CAMKMT: variants seen among roughly 807,000 people sequenced by gnomAD.
CAMKMT encodes calmodulin-lysine N-methyltransferase, also known as CaM KMT.
A neutral mutation model predicts 48.0 loss-of-function variants in CAMKMT; 53 were observed. That is an observed-to-expected ratio of 1.10 (90% CI 0.89 to 1.39). The LOEUF is 1.39. CAMKMT is among the 40% of genes most tolerant of loss of function. CAMKMT has a pLI of 0.00. For synonymous variants in CAMKMT, 165 were observed against 152.3 expected, an observed-to-expected ratio of 1.08 and a Z score of -0.61; for missense variants, 428 against 402.7, an observed-to-expected ratio of 1.06 and a Z score of -0.54.
At chr2:44,484,877 G>GA (rs138615431) in intron 3 of CAMKMT, among the ~76,000 whole-genome samples, 4,983 of 151,556 alleles carry the variant, frequency 0.033, 273 homozygotes, top group African/African-American at 0.11. Context: ...AAATCAACAG[G>GA]AAAAAAAAGA....
At chr2:44,458,752 T>C (rs887963577) in intron 3 of CAMKMT, among the ~76,000 whole-genome samples, 1 of 152,174 alleles carries the variant, frequency 6.6e-6, no homozygotes, top group African/African-American at 2.4e-5. Context: ...GAGAAATCGA[T>C]AAAAGGCGAT....
chr2:44,564,232 G>A (rs1417152390), intron 3 of CAMKMT, among the ~76,000 whole-genome samples: 1 of 150,816 alleles, frequency 6.6e-6, no homozygotes, highest in Non-Finnish European at 1.5e-5. Flanking sequence ...CTGGAGTGCA[G>A]TGGCTCAATT....
intron 3 of CAMKMT, among the ~76,000 whole-genome samples, chr2:44,419,214 C>A (rs1683765970): frequency 6.6e-6 from 1 of 152,166 alleles, no homozygotes; most frequent in African/African-American, 2.4e-5. Context: ...TTAGGTTGTA[C>A]CACTTAGATG....
intron 3 of CAMKMT, among the ~76,000 whole-genome samples, chr2:44,424,086 A>G (rs1384465939): frequency 6.6e-6 from 1 of 152,168 alleles, no homozygotes; most frequent in African/African-American, 2.4e-5. Context: ...TTTTGTAATT[A>G]TATTTTCCAT....
At chr2:44,705,658 T>A in intron 4 of CAMKMT, 1 of 338,046 alleles carries the variant, frequency 3.0e-6, no homozygotes, top group South Asian at 1.2e-4. Flanking sequence ...CCATATTATG[T>A]CCCTGCATTG....
chr2:44,738,347 T>G (rs902561422), intron 7 of CAMKMT, among the ~76,000 whole-genome samples: 63 of 152,272 alleles, frequency 4.1e-4, no homozygotes, highest in African/African-American at 1.4e-3. Flanking sequence ...ATGTTTTGTG[T>G]AGGTTTTCTG....
intron 3 of CAMKMT, among the ~76,000 whole-genome samples, chr2:44,491,651 C>T (rs1402392512): frequency 6.6e-6 from 1 of 152,180 alleles, no homozygotes; most frequent in African/African-American, 2.4e-5. Context: ...GCCTGACTTT[C>T]GGCCCTGTCA....
At chr2:44,755,623 TA>T (rs1460951053) in intron 9 of CAMKMT, among the ~76,000 whole-genome samples, 5 of 152,222 alleles carry the variant, frequency 3.3e-5, no homozygotes, top group Admixed American at 1.3e-4. Context: ...GGATCTATTG[TA>T]AATCATTCGC....
chr2:44,664,126 A>G (rs1674830241), intron 3 of CAMKMT, among the ~76,000 whole-genome samples: 1 of 152,178 alleles, frequency 6.6e-6, no homozygotes, highest in South Asian at 2.1e-4. Context: ...TTTCATGATA[A>G]TCTGTTTATT....
intron 2 of CAMKMT, among the ~76,000 whole-genome samples, chr2:44,379,042 AC>A (rs1679979505): frequency 6.6e-6 from 1 of 152,150 alleles, no homozygotes; most frequent in African/African-American, 2.4e-5. Flanking sequence ...CTGAAAAGAA[AC>A]CCCATATACA....
chr2:44,765,283 GACTACACTATAC>G (rs1680790614), intron 9 of CAMKMT, among the ~76,000 whole-genome samples: 1 of 152,074 alleles, frequency 6.6e-6, no homozygotes, highest in African/African-American at 2.4e-5. Flanking sequence ...CCCAGTGTCT[GACTACACTATAC>G]CTACAACATA....
At chr2:44,412,837 A>G (rs1193848239) in intron 3 of CAMKMT, among the ~76,000 whole-genome samples, 1 of 151,928 alleles carries the variant, frequency 6.6e-6, no homozygotes, top group African/African-American at 2.4e-5. Context: ...GCACTTTGGG[A>G]GGCGGAGGTG....
chr2:44,386,520 C>T (rs955286013), intron 2 of CAMKMT, among the ~76,000 whole-genome samples: 1 of 151,928 alleles, frequency 6.6e-6, no homozygotes, highest in Non-Finnish European at 1.5e-5. Context: ...TCATTTAGTT[C>T]TGCTCTGATC....
intron 3 of CAMKMT, among the ~76,000 whole-genome samples, chr2:44,518,902 A>G (rs575687480): frequency 1.3e-5 from 2 of 152,332 alleles, no homozygotes; most frequent in African/African-American, 4.8e-5. Flanking sequence ...TAAAAGGGGA[A>G]GATAGGCTCC....
At chr2:44,696,608 A>T (rs763508261) in intron 3 of CAMKMT, among the ~76,000 whole-genome samples, 3 of 152,176 alleles carry the variant, frequency 2.0e-5, no homozygotes, top group Non-Finnish European at 4.4e-5. Flanking sequence ...GAAAGCAGAG[A>T]ATACGAAAAG....
At chr2:44,702,912 T>C (rs1418249672) in intron 3 of CAMKMT, among the ~76,000 whole-genome samples, 4 of 152,194 alleles carry the variant, frequency 2.6e-5, no homozygotes, top group African/African-American at 9.7e-5. Flanking sequence ...TTGGATTTCT[T>C]AGTCCTCAAA....
chr2:44,384,750 A>C (rs116040048), intron 2 of CAMKMT, among the ~76,000 whole-genome samples: 8,312 of 151,176 alleles, frequency 0.055, 298 homozygotes, highest in South Asian at 0.14. Flanking sequence ...CCTTTCCCCC[A>C]CTTTTTGTTT....
At chr2:44,607,404 A>T (rs367971228) in intron 3 of CAMKMT, among the ~76,000 whole-genome samples, 2 of 152,240 alleles carry the variant, frequency 1.3e-5, no homozygotes, top group East Asian at 3.8e-4. Context: ...TTTTTAAATT[A>T]TCAGTACCAG....
chr2:44,693,078 C>T (rs1184082692), intron 3 of CAMKMT, among the ~76,000 whole-genome samples: 2 of 152,144 alleles, frequency 1.3e-5, no homozygotes, highest in Non-Finnish European at 2.9e-5. Flanking sequence ...AAATATATCT[C>T]AAATCTTTCC....
Sources: allele counts gnomAD v4.1 joint callset (sites outside exome capture counted in the v4.1 genomes callset), GRCh38; gene constraint gnomAD v4.1.1; transcripts MANE v1.5; gene names NCBI Gene and HGNC (gene_info 2026-07-23, HGNC 2026-07-21).